Variants in LEF1 observed in about 807,000 individuals in gnomAD.
LEF1 encodes lymphoid enhancer binding factor 1.
In LEF1, 14 loss-of-function variants were observed where a neutral mutation model predicts 51.2. The observed-to-expected ratio is 0.27, with a 90% CI of 0.18 to 0.43. The LOEUF (loss-of-function observed/expected upper bound fraction) is 0.43, where lower values mean the gene tolerates loss of function less well. Ranked by LOEUF, LEF1 falls within the 20% of genes least tolerant of loss-of-function variation. The pLI is 1.00. For synonymous variants in LEF1, 185 were observed against 183.2 expected (o/e 1.01, Z -0.08); for missense variants, 386 against 512.0 (o/e 0.75, Z 2.37).
At chr4:108,138,878 C>T (rs1009313069) in intron 3 of LEF1, among the ~76,000 whole-genome samples, 1 of 152,234 alleles carries the variant, frequency 6.6e-6, no homozygotes, top group Non-Finnish European at 1.5e-5. Context: ...TCCTCCTCTG[C>T]CTTCCCTTCC....
intron 3 of LEF1, among the ~76,000 whole-genome samples, chr4:108,104,875 G>A (rs1410728526): frequency 6.6e-6 from 1 of 152,136 alleles, no homozygotes; most frequent in Non-Finnish European, 1.5e-5. Context: ...GCCTTTTCAG[G>A]TATCCTCCAA....
chr4:108,097,377 T>C (rs1483067648), intron 3 of LEF1, among the ~76,000 whole-genome samples: 1 of 152,188 alleles, frequency 6.6e-6, no homozygotes, highest in African/African-American at 2.4e-5. Flanking sequence ...TTGTGAGAGC[T>C]AAAAATTAAA....
intron 3 of LEF1, among the ~76,000 whole-genome samples, chr4:108,151,572 C>T (rs2110396132): frequency 6.6e-6 from 1 of 152,264 alleles, no homozygotes; most frequent in Admixed American, 6.5e-5. Context: ...TACAGTCGTC[C>T]TTACCCTTCT....
At chr4:108,057,336 C>T (rs1737371444) in intron 11 of LEF1, among the ~76,000 whole-genome samples, 2 of 151,962 alleles carry the variant, frequency 1.3e-5, no homozygotes, top group Non-Finnish European at 2.9e-5. Context: ...TGTTTTCTAA[C>T]TAAACATAAC....
chr4:108,144,319 C>G (rs1743860549), intron 3 of LEF1, among the ~76,000 whole-genome samples: 2 of 152,244 alleles, frequency 1.3e-5, no homozygotes, highest in East Asian at 3.9e-4. Flanking sequence ...CAGTGAAGAA[C>G]AAAGCTGGCC....
chr4:108,054,795 GATAT>G (rs1194200021), intron 11 of LEF1, among the ~76,000 whole-genome samples: 1 of 152,156 alleles, frequency 6.6e-6, no homozygotes, highest in African/African-American at 2.4e-5. Flanking sequence ...TCACAAAAAC[GATAT>G]ATAGGCAGTT....
At chr4:108,129,305 C>CT (rs536818688) in intron 3 of LEF1, among the ~76,000 whole-genome samples, 1 of 152,178 alleles carries the variant, frequency 6.6e-6, no homozygotes, top group Non-Finnish European at 1.5e-5. Context: ...AACACAAACC[C>CT]TTTCCATTCC....
chr4:108,139,778 T>C (rs1006342762), intron 3 of LEF1, among the ~76,000 whole-genome samples: 3 of 152,212 alleles, frequency 2.0e-5, no homozygotes, highest in African/African-American at 7.2e-5. Flanking sequence ...TTTCTAAAAA[T>C]ATGTAAAAAT....
At chr4:108,092,442 C>A (rs149163272) in intron 3 of LEF1, among the ~76,000 whole-genome samples, 2,218 of 152,228 alleles carry the variant, frequency 0.015, 17 homozygotes, top group Non-Finnish European at 0.024. Flanking sequence ...ACTTACACTG[C>A]GGATATGTGG....
intron 3 of LEF1, among the ~76,000 whole-genome samples, chr4:108,138,715 G>A (rs978149376): frequency 6.6e-6 from 1 of 152,224 alleles, no homozygotes; most frequent in African/African-American, 2.4e-5. Context: ...TCCTCCAAAC[G>A]CCTTGAAGTT....
At chr4:108,059,826 G>A (rs1011704456) in intron 11 of LEF1, among the ~76,000 whole-genome samples, 3 of 151,968 alleles carry the variant, frequency 2.0e-5, no homozygotes, top group South Asian at 4.2e-4. Context: ...CCTCAGCCTC[G>A]CCAGTAGCTG....
At chr4:108,108,897 T>A (rs1318735149) in intron 3 of LEF1, among the ~76,000 whole-genome samples, 5 of 152,074 alleles carry the variant, frequency 3.3e-5, no homozygotes, top group African/African-American at 1.2e-4. Context: ...ACAAATAGAG[T>A]TGACTTATGT....
chr4:108,166,791 A>T, intron 1 of LEF1: 2 of 985,962 alleles, frequency 2.0e-6, no homozygotes, highest in Non-Finnish European at 2.4e-6. Flanking sequence ...CCAAACCCCA[A>T]ATAAAAGTTG....
chr4:108,069,182 A>C (rs1738284352), intron 9 of LEF1, among the ~76,000 whole-genome samples: 1 of 152,184 alleles, frequency 6.6e-6, no homozygotes. Flanking sequence ...CTCACCAGAC[A>C]CCAAACCTGC....
chr4:108,146,188 C>A (rs887304097), intron 3 of LEF1, among the ~76,000 whole-genome samples: 1 of 152,174 alleles, frequency 6.6e-6, no homozygotes, highest in East Asian at 1.9e-4. Flanking sequence ...CACGTAGCGA[C>A]CTTGTGACTT....
chr4:108,119,655 C>T (rs1742041446), intron 3 of LEF1, among the ~76,000 whole-genome samples: 1 of 152,120 alleles, frequency 6.6e-6, no homozygotes. Flanking sequence ...TGCCCCATCA[C>T]GATAGCCTTC....
At chr4:108,079,942 A>C (rs1739178109) in intron 6 of LEF1, among the ~76,000 whole-genome samples, 1 of 152,216 alleles carries the variant, frequency 6.6e-6, no homozygotes, top group African/African-American at 2.4e-5. Context: ...CATGTTTTAA[A>C]ATCTCTGCCT....
chr4:108,145,110 C>T (rs1029735671), intron 3 of LEF1, among the ~76,000 whole-genome samples: 19 of 152,126 alleles, frequency 1.2e-4, no homozygotes, highest in African/African-American at 4.6e-4. Flanking sequence ...GAAAATACTA[C>T]AATGTCAATA....
chr4:108,131,019 C>CT lies in LEF1; in HGVS notation c.414+32548dup, dbSNP rs1301106158. 1.8e-3 allele frequency among the ~76,000 whole-genome samples: 275 copies of CT among 151,090 alleles called. 2 individuals carry two copies. Among genetic ancestry groups the CT allele is most frequent in the African/African-American group, 5.6e-3 (232 of 41,196 alleles). On this transcript the variant is annotated intron_variant, in intron 3 of 11. Coordinates refer to ENST00000265165, the MANE Select transcript of LEF1 (RefSeq NM_016269.5). ...TCCTCCCAGGTTATTTTTTATTTATCTTTTTTTTTAGGAGTCTCAGTGTAT... is the reference window on the plus strand; with the variant it reads ...TCCTCCCAGGTTATTTTTTATTTATCTTTTTTTTTTAGGAGTCTCAGTGTAT...
Sources: gnomAD v4.1 joint callset for allele counts (sites outside exome capture counted in the v4.1 genomes callset) on GRCh38, gnomAD v4.1.1 for gene constraint, MANE v1.5 for transcripts, NCBI Gene and HGNC (gene_info 2026-07-23, HGNC 2026-07-21) for gene names.